The following OXR1 variants were observed in gnomAD, a reference collection of about 807,000 sequenced individuals.
OXR1 encodes oxidation resistance 1, also known as oxidation resistance protein 1.
A neutral mutation model predicts 104.6 loss-of-function variants in OXR1; 41 were observed. That is an observed-to-expected ratio of 0.39 (90% CI 0.31 to 0.51). The LOEUF is 0.51. Among genes scored for constraint, OXR1 ranks in the 20% least tolerant of loss-of-function variants. OXR1 has a pLI of 0.77. For synonymous variants in OXR1, 348 were observed against 348.4 expected (o/e 1.00, Z 0.01); for missense variants, 955 against 1,031.9 (o/e 0.93, Z 1.02).
At chr8:106,584,737 A>G (rs143690628) in intron 3 of OXR1, among the ~76,000 whole-genome samples, 1 of 152,256 alleles carries the variant, frequency 6.6e-6, no homozygotes, top group East Asian at 1.9e-4. Flanking sequence ...CAAGTGCTCC[A>G]GCAATATGAG....
At chr8:106,510,553 T>A (rs1812456759) in intron 2 of OXR1, among the ~76,000 whole-genome samples, 1 of 152,230 alleles carries the variant, frequency 6.6e-6, no homozygotes, top group Non-Finnish European at 1.5e-5. Flanking sequence ...AGAATTAGTT[T>A]GGGGTTTAAT....
chr8:106,295,390 A>G (rs1812950409), intron 1 of OXR1, among the ~76,000 whole-genome samples: 1 of 152,158 alleles, frequency 6.6e-6, no homozygotes, highest in Non-Finnish European at 1.5e-5. Context: ...ATACCTACAT[A>G]TACACTGTAT....
intron 3 of OXR1, among the ~76,000 whole-genome samples, chr8:106,537,375 A>G (rs986767728): frequency 6.6e-6 from 1 of 152,156 alleles, no homozygotes; most frequent in South Asian, 2.1e-4. Context: ...AACACACAGG[A>G]TGTAAATGTC....
In OXR1 at chr8:106,703,103, T is replaced by A. The variant is rs1830729512; in HGVS notation, c.860+13T>A. The A allele has an allele frequency of 6.4e-7, 1 of 1,556,958 alleles. No individual in the cohort carries two copies. Among genetic ancestry groups the A allele is most frequent in the African/African-American group, 1.4e-5 (1 of 73,798 alleles). On this transcript the variant is annotated intron_variant, in intron 8 of 16. Transcript: ENST00000517566. ...AATCTTTACCCATGTAAGAGTGATA[T>A]TTATATTCCTTTGCAACTTTATTGT...
intron 11 of OXR1, among the ~76,000 whole-genome samples, chr8:106,721,029 C>T (rs1212168758): frequency 6.6e-6 from 1 of 152,038 alleles, no homozygotes; most frequent in Non-Finnish European, 1.5e-5. Flanking sequence ...ACATGCTGGA[C>T]AATATCAGCA....
chr8:106,708,527 A>G (rs1831373388), intron 9 of OXR1, among the ~76,000 whole-genome samples: 2 of 152,182 alleles, frequency 1.3e-5, no homozygotes, highest in African/African-American at 4.8e-5. Context: ...GGAGTCATAC[A>G]ATATTTATCC....
At chr8:106,368,377 G>T (rs1328957700) in intron 2 of OXR1, among the ~76,000 whole-genome samples, 1 of 151,746 alleles carries the variant, frequency 6.6e-6, no homozygotes, top group Non-Finnish European at 1.5e-5. Context: ...TTAAGGACAT[G>T]GTATGTGTTT....
At chr8:106,470,475 G>C (rs1252065251) in intron 2 of OXR1, among the ~76,000 whole-genome samples, 16 of 151,684 alleles carry the variant, frequency 1.1e-4, no homozygotes, top group Admixed American at 1.1e-3. Flanking sequence ...AACCAAGATG[G>C]GAAAGACTGG....
At chr8:106,338,609 T>C (rs931371590) in intron 1 of OXR1, among the ~76,000 whole-genome samples, 7 of 151,756 alleles carry the variant, frequency 4.6e-5, no homozygotes, top group Non-Finnish European at 7.4e-5. Context: ...ATCCATTTTT[T>C]CCTTATTCCC....
chr8:106,645,832 C>T (rs1463951578), intron 3 of OXR1, among the ~76,000 whole-genome samples: 1 of 152,102 alleles, frequency 6.6e-6, no homozygotes, highest in Non-Finnish European at 1.5e-5. Flanking sequence ...TGCATCATGG[C>T]TGAAACATTT....
intron 2 of OXR1, among the ~76,000 whole-genome samples, chr8:106,362,915 G>T (rs1237014372): frequency 6.6e-6 from 1 of 152,214 alleles, no homozygotes; most frequent in Admixed American, 6.5e-5. Context: ...GTAGTGGAGG[G>T]TCTCAGTATG....
intron 2 of OXR1, among the ~76,000 whole-genome samples, chr8:106,381,463 A>G (rs748536276): frequency 6.6e-6 from 1 of 152,134 alleles, no homozygotes; most frequent in Non-Finnish European, 1.5e-5. Flanking sequence ...TCAATTGAAC[A>G]TAAAAGAGAA....
At chr8:106,304,249 T>TA in intron 1 of OXR1, among the ~76,000 whole-genome samples, 1 of 152,326 alleles carries the variant, frequency 6.6e-6, no homozygotes, top group African/African-American at 2.4e-5. Context: ...TTCTTTTGCT[T>TA]GAAGACATAT....
intron 2 of OXR1, among the ~76,000 whole-genome samples, chr8:106,446,948 AAAC>A (rs1229875980): frequency 6.6e-6 from 1 of 152,126 alleles, no homozygotes; most frequent in Non-Finnish European, 1.5e-5. Flanking sequence ...AAAACAGAAA[AAAC>A]AAAGAAAGGA....
intron 1 of OXR1, among the ~76,000 whole-genome samples, chr8:106,323,589 G>C (rs547588435): frequency 6.6e-6 from 1 of 152,254 alleles, no homozygotes; most frequent in Non-Finnish European, 1.5e-5. Flanking sequence ...CAGAATGGGA[G>C]AGAATATTTG....
intron 2 of OXR1, among the ~76,000 whole-genome samples, chr8:106,403,736 A>T (rs1019805204): frequency 6.6e-6 from 1 of 152,188 alleles, no homozygotes; most frequent in Non-Finnish European, 1.5e-5. Flanking sequence ...TGGAGTCTAG[A>T]TCAATAAGTT....
chr8:106,281,799 CAAAAAAAA>C (rs59515650), intron 1 of OXR1, among the ~76,000 whole-genome samples: 1 of 62,924 alleles, frequency 1.6e-5, no homozygotes, highest in Admixed American at 1.8e-4. Flanking sequence ...GACTCTATCT[CAAAAAAAA>C]AAAAAAAAAA....
intron 6 of OXR1, among the ~76,000 whole-genome samples, chr8:106,687,557 T>C (rs1027971322): frequency 1.4e-4 from 22 of 152,046 alleles, no homozygotes; most frequent in Non-Finnish European, 2.4e-4. Flanking sequence ...CCATCTTTAC[T>C]AAAAATACAA....
At chr8:106,448,821 A>G (rs1820150812) in intron 2 of OXR1, among the ~76,000 whole-genome samples, 1 of 152,146 alleles carries the variant, frequency 6.6e-6, no homozygotes, top group Non-Finnish European at 1.5e-5. Context: ...ATGAATTCTC[A>G]TTATTCCTGA....
Sources: gnomAD v4.1 joint callset for allele counts (sites outside exome capture counted in the v4.1 genomes callset) on GRCh38, gnomAD v4.1.1 for gene constraint, MANE v1.5 for transcripts, NCBI Gene and HGNC (gene_info 2026-07-23, HGNC 2026-07-21) for gene names.